The following CCDC102B variants were observed in gnomAD, a reference collection of about 807,000 sequenced individuals.
The protein encoded by CCDC102B is coiled-coil domain containing 102B.
A neutral mutation model predicts 57.4 loss-of-function variants in CCDC102B; 75 were observed. The ratio of observed to expected loss-of-function variants is 1.31; its 90% confidence interval spans 1.08 to 1.58. The LOEUF (loss-of-function observed/expected upper bound fraction) is 1.58. CCDC102B is among the 40% of genes most tolerant of loss of function. The probability of loss-of-function intolerance (pLI) is 0.00; values close to 1 mark genes in which losing one functional copy is unlikely to be tolerated. For synonymous variants in CCDC102B, 206 were observed against 201.9 expected (o/e 1.02, Z -0.17); for missense variants, 636 against 582.6 (o/e 1.09, Z -0.94).
At chr18:69,026,481 A>G (rs1388206111) in intron 7 of CCDC102B, among the ~76,000 whole-genome samples, 4 of 145,696 alleles carry the variant, frequency 2.7e-5, no homozygotes, top group Non-Finnish European at 5.9e-5. Flanking sequence ...AAAAAACCCC[A>G]GAGAAATCCA....
intron 1 of CCDC102B, among the ~76,000 whole-genome samples, chr18:68,815,673 T>TACACAC (rs1297745318): frequency 6.2e-5 from 3 of 48,762 alleles, no homozygotes; most frequent in East Asian, 4.9e-4. Flanking sequence ...CACCTCCATT[T>TACACAC]ACATACACAC....
rs372263974 is a variant in CCDC102B at position 68,837,253 on chromosome 18, G to A, written c.490G>A (p.Val164Ile). ...CCAGGATCTGAAGCTTCCTGGCTTC[G>A]TAGAAGAATCCTGTGAACATACAGA... ...VTQDLKLPGF[V>I]EESCEHTDQF... Residue 164 changes from valine to isoleucine, a missense_variant, in exon 2 of 8, where the codon GTA becomes ATA. Physicochemically the swap from Val to Ile is conservative, Grantham distance 29. Coordinates refer to ENST00000360242, the MANE Select transcript of CCDC102B (RefSeq NM_024781.3). 17 of 1,614,118 alleles carry A rather than the reference G, an allele frequency of 1.1e-5. No individual in the cohort carries two copies. Among genetic ancestry groups the A allele is most frequent in the African/African-American group, 9.3e-5 (7 of 75,036 alleles).
chr18:68,986,183 T>C (rs2050718054), intron 6 of CCDC102B, among the ~76,000 whole-genome samples: 1 of 152,092 alleles, frequency 6.6e-6, no homozygotes, highest in African/African-American at 2.4e-5. Flanking sequence ...TACCAAAATC[T>C]GGTAGAGATA....
intron 5 of CCDC102B, among the ~76,000 whole-genome samples, chr18:68,884,687 C>G (rs2039818447): frequency 6.7e-6 from 1 of 150,112 alleles, no homozygotes; most frequent in Non-Finnish European, 1.5e-5. Flanking sequence ...TATGTATCCT[C>G]TGACCTACAT....
intron 6 of CCDC102B, among the ~76,000 whole-genome samples, chr18:68,988,657 T>C (rs936963444): frequency 6.6e-6 from 1 of 152,098 alleles, no homozygotes; most frequent in Admixed American, 6.5e-5. Context: ...ATCAATGATA[T>C]GGTTGAAAGT....
At chr18:68,998,923 A>C (rs1214049148) in intron 6 of CCDC102B, among the ~76,000 whole-genome samples, 2 of 149,598 alleles carry the variant, frequency 1.3e-5, no homozygotes, top group Non-Finnish European at 3.0e-5. Context: ...TGCATCCTTC[A>C]ATCCAATCAA....
At chr18:68,839,056 G>A in intron 3 of CCDC102B, 130 bp downstream of exon 3, 1 of 792,668 alleles carries the variant, frequency 1.3e-6, no homozygotes, top group Non-Finnish European at 2.1e-6. Flanking sequence ...AGGATTTAAA[G>A]AAATTAGTTT....
At chr18:68,796,084 A>G (rs1393757311), upstream of CCDC102B, among the ~76,000 whole-genome samples, 7 of 152,200 alleles carry the variant, frequency 4.6e-5, no homozygotes, top group South Asian at 2.1e-4. Flanking sequence ...CTTCAAGTGC[A>G]TAAGTACCGG....
intron 5 of CCDC102B, among the ~76,000 whole-genome samples, chr18:68,892,091 G>A (rs1308714505): frequency 1.3e-5 from 2 of 152,154 alleles, no homozygotes; most frequent in Non-Finnish European, 2.9e-5. Flanking sequence ...CTTTTGGGTA[G>A]GAGGATGAAA....
chr18:68,767,692 C>A (rs910108670), intron 2 of CCDC102B, among the ~76,000 whole-genome samples: 2 of 152,152 alleles, frequency 1.3e-5, no homozygotes, highest in Non-Finnish European at 2.9e-5. Flanking sequence ...TATCATTATA[C>A]ATATTTTACA....
chr18:68,756,051 T>A (rs1282402019), intron 2 of CCDC102B, among the ~76,000 whole-genome samples: 3 of 151,476 alleles, frequency 2.0e-5, no homozygotes, highest in African/African-American at 7.2e-5. Context: ...TAGAGATAAA[T>A]ACAAATTTTA....
chr18:68,774,766 T>A (rs2034753500), intron 2 of CCDC102B, among the ~76,000 whole-genome samples: 1 of 151,996 alleles, frequency 6.6e-6, no homozygotes, highest in African/African-American at 2.4e-5. Flanking sequence ...AAGTTGAAAC[T>A]ACAAAAGAGG....
At chr18:68,913,635 A>G (rs1340924700) in intron 6 of CCDC102B, among the ~76,000 whole-genome samples, 1 of 148,500 alleles carries the variant, frequency 6.7e-6, no homozygotes, top group Non-Finnish European at 1.5e-5. Flanking sequence ...AGCCTGGGTA[A>G]CAGAGTGACA....
At chr18:68,845,466 C>A (rs770388364) in intron 3 of CCDC102B, among the ~76,000 whole-genome samples, 8 of 151,752 alleles carry the variant, frequency 5.3e-5, no homozygotes, top group Non-Finnish European at 8.9e-5. Context: ...TTTCTATCAT[C>A]TCTGCTAATA....
At chr18:68,984,274 G>A (rs2050667617) in intron 6 of CCDC102B, among the ~76,000 whole-genome samples, 1 of 151,862 alleles carries the variant, frequency 6.6e-6, no homozygotes, top group Non-Finnish European at 1.5e-5. Context: ...CAGTTTCAAA[G>A]TTCTGGGAGT....
intron 1 of CCDC102B, among the ~76,000 whole-genome samples, chr18:68,806,243 A>G (rs2036029989): frequency 1.3e-5 from 2 of 152,270 alleles, no homozygotes; most frequent in African/African-American, 4.8e-5. Context: ...ACAGCTTTAA[A>G]TATATTTTAA....
At chr18:69,022,647 T>G (rs1164033122) in intron 7 of CCDC102B, among the ~76,000 whole-genome samples, 1 of 152,094 alleles carries the variant, frequency 6.6e-6, no homozygotes, top group African/African-American at 2.4e-5. Context: ...TGCAAATACA[T>G]TCTTTTTATG....
chr18:68,907,821 C>T (rs1172198487), intron 6 of CCDC102B, among the ~76,000 whole-genome samples: 5 of 152,122 alleles, frequency 3.3e-5, no homozygotes, highest in East Asian at 1.9e-4. Context: ...TCTAGTACAA[C>T]GTTAAACAGC....
chr18:69,031,604 C>T (rs901680447), intron 7 of CCDC102B, among the ~76,000 whole-genome samples: 1 of 151,930 alleles, frequency 6.6e-6, no homozygotes, highest in Non-Finnish European at 1.5e-5. Context: ...TTAAATATTA[C>T]ATTTGTTACT....
Sources: allele counts gnomAD v4.1 joint callset (sites outside exome capture counted in the v4.1 genomes callset), GRCh38; gene constraint gnomAD v4.1.1; transcripts MANE v1.5; gene names NCBI Gene and HGNC (gene_info 2026-07-23, HGNC 2026-07-21).